FIG4: variants seen among roughly 807,000 people sequenced by gnomAD.
The protein encoded by FIG4 is polyphosphoinositide phosphatase.
In FIG4, 112 loss-of-function variants were observed where a neutral mutation model predicts 118.6. The ratio of observed to expected loss-of-function variants is 0.94; its 90% CI spans 0.81 to 1.11. The LOEUF (loss-of-function observed/expected upper bound fraction) is 1.11, where lower values mean the gene tolerates loss of function less well. Ranked by LOEUF, FIG4 falls within the 50% of genes least tolerant of loss-of-function variation. The pLI is 0.00. For synonymous variants in FIG4, 369 were observed against 381.2 expected (o/e 0.97, Z 0.37); for missense variants, 969 against 1,111.7 (o/e 0.87, Z 1.83).
At chr6:109,726,969 C>A in intron 3 of FIG4, 140 bp from the exon 4 acceptor site, 1 of 700,098 alleles carries the variant, frequency 1.4e-6, no homozygotes, top group Non-Finnish European at 2.5e-6. Flanking sequence ...AATCCTAAGA[C>A]ACCTGAAAAT....
chr6:109,790,547 C>G (rs1051501458), intron 19 of FIG4, among the ~76,000 whole-genome samples: 2 of 152,144 alleles, frequency 1.3e-5, no homozygotes, highest in Non-Finnish European at 2.9e-5. Flanking sequence ...TTTTTAGTTG[C>G]AAAAGGTCAG....
intron 22 of FIG4, among the ~76,000 whole-genome samples, chr6:109,818,593 C>T (rs897412975): frequency 2.0e-5 from 3 of 152,070 alleles, no homozygotes; most frequent in Non-Finnish European, 4.4e-5. Context: ...TTATAAATTA[C>T]CATGTCATAG....
Position 109,771,500 on chromosome 6 carries a change from G to C in FIG4, c.1750+4605G>C, listed in dbSNP as rs187682978. On this transcript the variant is annotated intron_variant, in intron 15 of 22. Transcript: ENST00000230124. ...TTTTTTTTTTTTGAGACAGAGTCTC[G>C]CTCTGTGGCCCAGGCTGGAGTGCAG... 3.6e-5 allele frequency among the ~76,000 whole-genome samples: 4 copies of C among 112,184 alleles called. No individual in the cohort carries two copies. The East Asian group carries it at 1.1e-3, about 31-fold the overall frequency. 73.6% of individuals were successfully genotyped at this position (112,184 alleles called of 152,430 possible).
At chr6:109,710,871 A>G (rs906785992) in intron 1 of FIG4, among the ~76,000 whole-genome samples, 2 of 151,328 alleles carry the variant, frequency 1.3e-5, no homozygotes, top group Non-Finnish European at 1.5e-5. Context: ...TTCTTTCTTT[A>G]CTAGTCTAGC....
At chr6:109,717,446 A>G (rs1478072427) in intron 3 of FIG4, among the ~76,000 whole-genome samples, 1 of 152,146 alleles carries the variant, frequency 6.6e-6, no homozygotes, top group South Asian at 2.1e-4. Context: ...GAATCAATAA[A>G]CCTGTCTTTA....
chr6:109,784,871 A>G, intron 16 of FIG4, 99 bp from the exon 17 acceptor site: 1 of 589,090 alleles, frequency 1.7e-6, no homozygotes, highest in Non-Finnish European at 3.0e-6. Context: ...TGAAGTAGGA[A>G]CATGTTACTA....
intron 5 of FIG4, among the ~76,000 whole-genome samples, chr6:109,734,369 A>G (rs1196557173): frequency 6.6e-6 from 1 of 151,064 alleles, no homozygotes; most frequent in Non-Finnish European, 1.5e-5. Context: ...CACACACACT[A>G]TACATATATA....
At chr6:109,801,070 A>G (rs988808719) in intron 22 of FIG4, among the ~76,000 whole-genome samples, 1 of 152,242 alleles carries the variant, frequency 6.6e-6, no homozygotes, top group African/African-American at 2.4e-5. Flanking sequence ...AATCAGTGGT[A>G]GGTTGAAAAG....
At chr6:109,752,572 C>A (rs574128461) in intron 10 of FIG4, among the ~76,000 whole-genome samples, 1 of 152,294 alleles carries the variant, frequency 6.6e-6, no homozygotes, top group South Asian at 2.1e-4. Context: ...TTTTGATTTG[C>A]GTTTCTCTGA....
chr6:109,748,989 TG>T (rs940807260), intron 10 of FIG4, among the ~76,000 whole-genome samples: 4 of 150,058 alleles, frequency 2.7e-5, no homozygotes, highest in Middle Eastern at 3.2e-3. Context: ...AGGCAAAGCT[TG>T]GGGTGGGGAA....
chr6:109,794,273 C>T lies in FIG4; in HGVS notation c.2459+1609C>T, dbSNP rs77781747. On this transcript the variant is annotated intron_variant, in intron 21 of 22. Coordinates refer to ENST00000230124, the MANE Select transcript of FIG4 (RefSeq NM_014845.6). ...TGGGCTAATAGCGCAGCAAGTAGAG[C>T]CATTTAGTGCCTTATCCAGGAGTCA... is the stretch of plus-strand genomic sequence containing the variant. Among the ~76,000 whole-genome samples, 98 of 152,248 alleles carry T rather than the reference C, an allele frequency of 6.4e-4. 1 individual carries two copies. The East Asian group carries it at 0.017, about 26-fold the overall frequency.
intron 18 of FIG4, among the ~76,000 whole-genome samples, chr6:109,788,600 T>G (rs1198158024): frequency 6.6e-6 from 1 of 152,200 alleles, no homozygotes; most frequent in African/African-American, 2.4e-5. Context: ...AGGATTGATT[T>G]GGGGGTTACA....
intron 12 of FIG4, among the ~76,000 whole-genome samples, chr6:109,763,715 C>T (rs1777181860): frequency 6.6e-6 from 1 of 152,132 alleles, no homozygotes; most frequent in African/African-American, 2.4e-5. Context: ...ATTAAAATGC[C>T]CCTTTCCTGG....
chr6:109,734,096 A>G (rs1246753654), intron 5 of FIG4, among the ~76,000 whole-genome samples: 2 of 152,022 alleles, frequency 1.3e-5, no homozygotes, highest in African/African-American at 4.8e-5. Flanking sequence ...CCATCAAGCA[A>G]AAATGATACA....
At chr6:109,753,714 G>C (rs1387552924) in intron 10 of FIG4, among the ~76,000 whole-genome samples, 1 of 151,982 alleles carries the variant, frequency 6.6e-6, no homozygotes, top group Non-Finnish European at 1.5e-5. Context: ...AATTGTGAAT[G>C]GGAGTTCACT....
In FIG4 at chr6:109,785,033, G is replaced by A. The variant is rs756884619; in HGVS notation, c.1948+5G>A. On this transcript the variant is annotated splice_donor_5th_base_variant and intron_variant, in intron 17 of 22. Coordinates refer to ENST00000230124, the MANE Select transcript of FIG4 (RefSeq NM_014845.6). ...TACCATTGCCCTATGATGAAGGTAG[G>A]TAACTGTTTGTGTTTTAGTTTTTAC... 6 of 1,507,182 alleles carry A rather than the reference G, an allele frequency of 4.0e-6. No individual in the cohort carries two copies. The highest frequency in any genetic ancestry group is 5.6e-6 in the Non-Finnish European group (6 of 1,080,932). 93.4% of individuals were successfully genotyped at this position (1,507,182 alleles called of 1,614,324 possible). A position where few individuals can be genotyped will look rare whatever the true frequency, so the allele number is the denominator to read the frequency against.
Position 109,727,279 on chromosome 6 carries a change from T to C in FIG4, c.446+14T>C. 6.5e-7 allele frequency: 1 copy of C among 1,535,112 alleles called. No individual in the cohort carries two copies. ...TGATGAAGCTAGGTATGTATGGTGG[T>C]AACTACCTTTTTTTTTTTGGAGACA... On this transcript the variant is annotated intron_variant, in intron 4 of 22. Coordinates refer to ENST00000230124, the MANE Select transcript of FIG4 (RefSeq NM_014845.6).
Position 109,791,370 on chromosome 6 carries a change from T to A in FIG4, c.2181-6T>A, listed in dbSNP as rs747284419. 1 of 1,611,382 alleles carries A rather than the reference T, an allele frequency of 6.2e-7. No individual in the cohort carries two copies. The highest frequency in any genetic ancestry group is 1.7e-5 in the Admixed American group (1 of 60,024). On this transcript the variant is annotated splice_region_variant and splice_polypyrimidine_tract_variant and intron_variant, in intron 19 of 22. Transcript: ENST00000230124. ...ATGCTTCACTTCCATATTATTCTTT[T>A]AAAAGAAACAAAAGCAATAGAGAAG...
intron 22 of FIG4, among the ~76,000 whole-genome samples, chr6:109,800,725 G>A (rs1260243793): frequency 6.6e-6 from 1 of 152,064 alleles, no homozygotes; most frequent in Non-Finnish European, 1.5e-5. Flanking sequence ...ATGTCCCACT[G>A]GTTTTCAAGG....
Sources: allele counts gnomAD v4.1 joint callset (sites outside exome capture counted in the v4.1 genomes callset), GRCh38; gene constraint gnomAD v4.1.1; transcripts MANE v1.5; gene names NCBI Gene and HGNC (gene_info 2026-07-23, HGNC 2026-07-21).